The following UBTF variants were observed in gnomAD, a reference collection of about 807,000 sequenced individuals.
UBTF encodes nucleolar transcription factor 1.
A neutral mutation model predicts 112.3 loss-of-function variants in UBTF; 8 were observed. The ratio of observed to expected loss-of-function variants is 0.07; its 90% confidence interval spans 0.04 to 0.13. The LOEUF is 0.13. Ranked by LOEUF, UBTF falls within the 10% of genes least tolerant of loss-of-function variation. The pLI is 1.00. For missense variants in UBTF, 457 were observed against 982.1 expected (o/e 0.47, Z 7.15); for synonymous variants, 417 against 373.1 (o/e 1.12, Z -1.36).
Position 44,210,893 on chromosome 17 carries a change from C to T in UBTF, c.1258G>A (p.Glu420Lys). ...PVSAMFIFSE[E>K]KRRQLQEERP... ...TCCTCCTGCAGCTGCCGCCGTTTCT[C>T]CTCCGAGAAGATGAACATGGCCGAC... The change falls in exon 13 of 21, where the codon GAG becomes AAG. Residue 420 changes from glutamate to lysine, a missense_variant. Around this residue, in one of 7 missense-constraint regions of UBTF, gnomAD observed 108 missense variants for 137.4 expected, o/e 0.79. Coordinates refer to ENST00000436088, the MANE Select transcript of UBTF (RefSeq NM_014233.4). 6.2e-7 allele frequency: 1 copy of T among 1,601,606 alleles called. No homozygotes were observed. Among genetic ancestry groups the T allele is most frequent in the Non-Finnish European group, 8.5e-7 (1 of 1,174,684 alleles).
Position 44,206,707 on chromosome 17 carries a change from G to T in UBTF, c.*535C>A. On this transcript the variant is annotated 3_prime_UTR_variant, in exon 21 of 21. Coordinates refer to ENST00000436088, the MANE Select transcript of UBTF (RefSeq NM_014233.4). Reference sequence around the variant, plus strand: ...CGGGTCCAGGCAGCTCCTTCCTGCAGGGGGCAGGGGAGAGGGCCACCAGGG... The same window carrying T: ...CGGGTCCAGGCAGCTCCTTCCTGCATGGGGCAGGGGAGAGGGCCACCAGGG... The T allele has an allele frequency of 6.2e-6, 1 of 160,376 alleles. No homozygotes were observed. The allele number at this position is 160,376 out of a possible 1,614,324, so 9.9% of individuals were successfully genotyped here. A position where few individuals can be genotyped will look rare whatever the true frequency, so the allele number is the denominator to read the frequency against.
chr17:44,207,299 C>T lies in UBTF; in HGVS notation c.2238G>A (p.Glu746=), dbSNP rs1055126035. 1 of 1,613,026 alleles carries T rather than the reference C, an allele frequency of 6.2e-7. No individual in the cohort carries two copies. The highest frequency in any genetic ancestry group is 8.5e-7 in the Non-Finnish European group (1 of 1,179,684). Residue 746 remains glutamate (E), a synonymous_variant, in exon 21 of 21, where the codon GAG becomes GAA. Coordinates refer to ENST00000436088, the MANE Select transcript of UBTF (RefSeq NM_014233.4). The part of the protein sequence containing the change: ...DDDEDEDNES[E]GSSSSSSSSG... ...AGGAGGAGGAGCTGGAGCTGCTGCC[C>T]TCGGACTCATTATCTTCATCCTCAT... is the stretch of plus-strand genomic sequence containing the variant.
In UBTF at chr17:44,211,169, A is replaced by C. The variant is rs1407756907; in HGVS notation, c.1090-17T>G. ...AGGCAGGCTCTGGACAGGAAAGAGG[A>C]GCACGGGGCTGCATGCCTGGCACCC... On this transcript the variant is annotated splice_polypyrimidine_tract_variant and intron_variant, in intron 11 of 20. Transcript: ENST00000436088. This position sits in a 1 kb window ranked among gnomAD's most constrained non-coding sequence, Gnocchi z 4.9. The C allele has an allele frequency of 1.2e-6, 2 of 1,612,752 alleles. No homozygotes were observed. Among genetic ancestry groups the C allele is most frequent in the African/African-American group, 2.7e-5 (2 of 74,920 alleles).
intron 8 of UBTF, 27 bp downstream of exon 8, chr17:44,212,317 C>G: frequency 1.3e-6 from 2 of 1,589,670 alleles, no homozygotes; most frequent in Non-Finnish European, 8.6e-7. Context: ...AAGAGCCGGA[C>G]GGGGAGGAGC....
chr17:44,220,145 C>T (rs1287309736), upstream of UBTF, among the ~76,000 whole-genome samples: 3 of 150,510 alleles, frequency 2.0e-5, no homozygotes, highest in African/African-American at 7.3e-5. Context: ...GGGCTCGGAG[C>T]CTAGGCGGGC....
intron 17 of UBTF, 142 bp from the exon 18 acceptor site, chr17:44,208,053 C>T: frequency 1.1e-6 from 1 of 880,364 alleles, no homozygotes; most frequent in South Asian, 1.7e-5. Flanking sequence ...GATTTTGGGT[C>T]TCTGCAGAGA....
In UBTF at chr17:44,205,921, C is replaced by T. The variant is rs1290041331; in HGVS notation, c.*1321G>A. On this transcript the variant is annotated 3_prime_UTR_variant, in exon 21 of 21. Transcript: ENST00000436088. ...CAGCTGCAGATGCAGCTTTTGCAGACTTCTTGCCCAGCTGTGGGGTTGGGG... is the reference window on the plus strand; with the variant it reads ...CAGCTGCAGATGCAGCTTTTGCAGATTTCTTGCCCAGCTGTGGGGTTGGGG... 2 of 152,134 alleles carry T rather than the reference C, an allele frequency of 1.3e-5. No individual in the cohort carries two copies. Among genetic ancestry groups the T allele is most frequent in the African/African-American group, 4.8e-5 (2 of 41,406 alleles). 9.4% of individuals were successfully genotyped at this position (152,134 alleles called of 1,614,324 possible).
At chr17:44,221,186 C>T (rs2047170906), upstream of UBTF, 2 of 152,124 alleles carry the variant, frequency 1.3e-5, no homozygotes, top group South Asian at 2.1e-4. Flanking sequence ...ATTTCTGCCC[C>T]CAGCTCGCAC....
chr17:44,212,575 C>T, intron 7 of UBTF, 121 bp from the exon 8 acceptor site: 1 of 1,041,834 alleles, frequency 9.6e-7, no homozygotes, highest in Non-Finnish European at 1.4e-6. Context: ...CAGTGTCCCC[C>T]ACAGGCCAGG....
chr17:44,209,010 A>T, intron 17 of UBTF: 1 of 320,020 alleles, frequency 3.1e-6, no homozygotes, highest in Non-Finnish European at 6.1e-6. Flanking sequence ...CTCTACTAAA[A>T]ATACAAAAAT....
At chr17:44,215,620 TC>T in intron 5 of UBTF, 33 bp downstream of exon 5, 1 of 1,610,238 alleles carries the variant, frequency 6.2e-7, no homozygotes, top group East Asian at 2.2e-5. Flanking sequence ...TCCCAGCCTC[TC>T]CCCTCCTCCC....
At chr17:44,213,040 G>A (rs2056794739) in intron 6 of UBTF, 101 bp from the exon 7 acceptor site, 1 of 1,564,204 alleles carries the variant, frequency 6.4e-7, no homozygotes, top group Non-Finnish European at 8.7e-7. Flanking sequence ...TTCAGCTGGG[G>A]CTCAGTGGGA....
In UBTF at chr17:44,211,093, G is replaced by A. The variant is rs2056645659; in HGVS notation, c.1149C>T (p.Asn383=). The A allele has an allele frequency of 1.2e-6, 2 of 1,612,966 alleles. No homozygotes were observed. Among genetic ancestry groups the A allele is most frequent in the African/African-American group, 2.7e-5 (2 of 74,936 alleles). The change falls in exon 12 of 21, where the codon AAC becomes AAT. Residue 383 remains asparagine (N), a synonymous_variant. Transcript: ENST00000436088. The surrounding 1 kb of genome is among the most constrained non-coding windows in gnomAD (Gnocchi z 4.9). ...AGGCGGGGCTGGTGGCCTGCTTCTT[G>A]TTGATGTTCAGCATCTTCTCTTCCC... The part of the protein sequence containing the change: ...VLGEEKMLNI[N]KKQATSPASK...
At chr17:44,213,149 C>A in intron 6 of UBTF, 69 bp downstream of exon 6, 1 of 1,573,768 alleles carries the variant, frequency 6.4e-7, no homozygotes. Flanking sequence ...ACTCAAGGCT[C>A]TGGCCAGGGT....
At chr17:44,218,774 C>G (rs916554732) in intron 1 of UBTF, among the ~76,000 whole-genome samples, 5 of 150,810 alleles carry the variant, frequency 3.3e-5, no homozygotes, top group Admixed American at 2.0e-4. Flanking sequence ...GCCTCCGCAA[C>G]CCGGCGGGGA....
At chr17:44,218,593 C>A (rs2046971667) in intron 1 of UBTF, 3 of 92,302 alleles carry the variant, frequency 3.3e-5, no homozygotes. Context: ...CCAACCCCAG[C>A]CAAAAAAAAA....
At position 44,211,583 on chromosome 17, in the gene UBTF, G is replaced by A; in HGVS notation, c.1047+23C>T. ...CCTCATGCTTCAAAACCCCAAGGCA[G>A]GGTGGCCCCTGCCACAGCTCACCTG... On this transcript the variant is annotated intron_variant, in intron 10 of 20. Coordinates refer to ENST00000436088, the MANE Select transcript of UBTF (RefSeq NM_014233.4). This position sits in a 1 kb window ranked among gnomAD's most constrained non-coding sequence, Gnocchi z 4.9. The A allele has an allele frequency of 1.2e-6, 2 of 1,604,380 alleles. No individual in the cohort carries two copies. Among genetic ancestry groups the A allele is most frequent in the South Asian group, 1.1e-5 (1 of 90,342 alleles).
intron 19 of UBTF, 24 bp from the exon 20 acceptor site, chr17:44,207,621 GTGGTCTC>G (rs1262936285): frequency 2.1e-5 from 34 of 1,614,058 alleles, no homozygotes; most frequent in Non-Finnish European, 2.6e-5. Flanking sequence ...AGGCACATCA[GTGGTCTC>G]TGGTCTCTGC....
Position 44,207,454 on chromosome 17 carries a change from C to T in UBTF, c.2169G>A (p.Glu723=). Reference sequence around the variant, plus strand: ...TCCCACTGTGCCCTGTCTGCCCCACCTCATCCCCATCCTCGCTCTCGTCCT... The same window carrying T: ...TCCCACTGTGCCCTGTCTGCCCCACTTCATCCCCATCCTCGCTCTCGTCCT... ...SSEDESEDGD[E]NEEDDEDEDD... Residue 723 remains glutamate (E), a splice_region_variant and synonymous_variant, in exon 20 of 21, where the codon GAG becomes GAA. Transcript: ENST00000436088. The T allele has an allele frequency of 6.2e-7, 1 of 1,613,788 alleles. No homozygotes were observed. Among genetic ancestry groups the T allele is most frequent in the Non-Finnish European group, 8.5e-7 (1 of 1,179,816 alleles).
Sources: gnomAD v4.1 joint callset for allele counts (sites outside exome capture counted in the v4.1 genomes callset) on GRCh38, gnomAD v4.1.1 for gene constraint, gnomAD v4.1.1 regional missense constraint, Gnocchi (gnomAD v3.1) non-coding constraint, MANE v1.5 for transcripts, NCBI Gene and HGNC (gene_info 2026-07-23, HGNC 2026-07-21) for gene names.